ERICH6B: variants seen among roughly 807,000 people sequenced by gnomAD.
ERICH6B encodes glutamate rich 6B.
ERICH6B carries 69 observed loss-of-function variants against 80.0 expected under a neutral mutation model. The observed-to-expected ratio is 0.86, with a 90% CI of 0.71 to 1.05. The LOEUF (loss-of-function observed/expected upper bound fraction) is 1.05. Ranked by LOEUF, ERICH6B falls within the 50% of genes least tolerant of loss-of-function variation. The pLI, the probability that ERICH6B is intolerant of heterozygous loss-of-function variation, is 0.00. For missense variants in ERICH6B, 754 were observed against 796.1 expected (o/e 0.95, Z 0.64); for synonymous variants, 283 against 291.9 (o/e 0.97, Z 0.31).
chr13:45,552,554 TAGA>T (rs1355409482), intron 11 of ERICH6B, among the ~76,000 whole-genome samples: 2 of 151,494 alleles, frequency 1.3e-5, no homozygotes, highest in South Asian at 2.1e-4. Context: ...TTAACTTAAC[TAGA>T]AGAAGTCAGA....
chr13:45,577,308 G>A (rs1057246680), intron 7 of ERICH6B, among the ~76,000 whole-genome samples: 5 of 104,434 alleles, frequency 4.8e-5, no homozygotes, highest in East Asian at 3.3e-4. Context: ...TTTTTGAGAC[G>A]GAGTATCGCT....
chr13:45,610,281 G>T (rs772656066), intron 1 of ERICH6B, among the ~76,000 whole-genome samples: 5 of 151,902 alleles, frequency 3.3e-5, no homozygotes, highest in African/African-American at 1.2e-4. Flanking sequence ...CCACTCAAAA[G>T]AATTAAGTAA....
At chr13:45,597,728 A>C (rs553302969) in intron 2 of ERICH6B, among the ~76,000 whole-genome samples, 1 of 152,212 alleles carries the variant, frequency 6.6e-6, no homozygotes, top group African/African-American at 2.4e-5. Flanking sequence ...CATGTCCTCT[A>C]TATTTTTTTT....
intron 4 of ERICH6B, 67 bp from the exon 5 acceptor site, chr13:45,587,299 C>T (rs1593320943): frequency 6.9e-7 from 1 of 1,450,066 alleles, no homozygotes; most frequent in South Asian, 1.3e-5. Context: ...CCTTCTAAGG[C>T]ATGTTAGGGG....
intron 2 of ERICH6B, among the ~76,000 whole-genome samples, chr13:45,601,982 G>T (rs1949830199): frequency 6.6e-6 from 1 of 152,208 alleles, no homozygotes; most frequent in African/African-American, 2.4e-5. Flanking sequence ...AGCTCTGAAG[G>T]TGCGTGTGTG....
intron 4 of ERICH6B, among the ~76,000 whole-genome samples, chr13:45,589,974 TC>T (rs1216751922): frequency 6.6e-6 from 1 of 152,056 alleles, no homozygotes; most frequent in African/African-American, 2.4e-5. Context: ...AACTTATGGG[TC>T]CCCTACTTGG....
At chr13:45,573,317 T>A (rs549734142) in intron 8 of ERICH6B, among the ~76,000 whole-genome samples, 2 of 152,312 alleles carry the variant, frequency 1.3e-5, no homozygotes, top group East Asian at 3.9e-4. Flanking sequence ...TTGAACAGAA[T>A]GTACATCATG....
intron 10 of ERICH6B, 109 bp downstream of exon 10, chr13:45,563,618 G>A (rs1036910684): frequency 2.4e-5 from 24 of 1,010,826 alleles, no homozygotes; most frequent in Non-Finnish European, 3.5e-5. Flanking sequence ...GCACTGAAGT[G>A]AGTGAATGAG....
intron 1 of ERICH6B, among the ~76,000 whole-genome samples, chr13:45,612,652 C>A (rs1949906310): frequency 6.6e-6 from 1 of 152,150 alleles, no homozygotes; most frequent in African/African-American, 2.4e-5. Flanking sequence ...CTCCTCCCTC[C>A]TACCTGCCTA....
At chr13:45,564,891 C>T (rs866782805) in intron 9 of ERICH6B, among the ~76,000 whole-genome samples, 5 of 152,284 alleles carry the variant, frequency 3.3e-5, no homozygotes, top group Middle Eastern at 3.4e-3. Context: ...ACTGGCTGTT[C>T]GTCTCTTGTT....
chr13:45,600,929 C>T (rs1245451573), intron 2 of ERICH6B, among the ~76,000 whole-genome samples: 1 of 152,160 alleles, frequency 6.6e-6, no homozygotes, highest in Non-Finnish European at 1.5e-5. Context: ...CCTGCTAAGT[C>T]AATTTAGCAA....
chr13:45,590,027 T>G (rs886684328), intron 4 of ERICH6B, among the ~76,000 whole-genome samples: 4 of 152,128 alleles, frequency 2.6e-5, no homozygotes, highest in African/African-American at 7.2e-5. Flanking sequence ...ATAACCAAAC[T>G]GGTCCCGTGC....
intron 11 of ERICH6B, chr13:45,555,566 G>A (rs1215879672): frequency 6.6e-6 from 1 of 152,122 alleles, no homozygotes; most frequent in Non-Finnish European, 1.5e-5. Flanking sequence ...CCGCTAGCTG[G>A]GGTCATGGGG....
Position 45,587,048 on chromosome 13 carries a change from C to G in ERICH6B, c.856+15G>C. 2 of 1,549,660 alleles carry G rather than the reference C, an allele frequency of 1.3e-6. No individual in the cohort carries two copies. Among genetic ancestry groups the G allele is most frequent in the Non-Finnish European group, 1.7e-6 (2 of 1,145,842 alleles). ...GCCCGGCTGCGCCTCACCGACAGAG[C>G]GCAGCTTCCCTCACCGGCAGTTCTG... On this transcript the variant is annotated intron_variant, in intron 5 of 14. Transcript: ENST00000298738.
intron 5 of ERICH6B, among the ~76,000 whole-genome samples, chr13:45,582,299 C>A (rs890856195): frequency 6.6e-6 from 1 of 152,188 alleles, no homozygotes; most frequent in East Asian, 1.9e-4. Flanking sequence ...CTCTACATAA[C>A]CTTTCAGTTG....
At chr13:45,608,401 C>T (rs1172698680) in intron 1 of ERICH6B, among the ~76,000 whole-genome samples, 2 of 152,164 alleles carry the variant, frequency 1.3e-5, no homozygotes, top group African/African-American at 4.8e-5. Flanking sequence ...ACACACTTTC[C>T]TGCTTTTTAA....
intron 4 of ERICH6B, among the ~76,000 whole-genome samples, chr13:45,589,884 G>A (rs987553646): frequency 3.9e-5 from 6 of 152,170 alleles, no homozygotes; most frequent in South Asian, 4.1e-4. Flanking sequence ...GGAACAGAGC[G>A]GCCAGTGCAG....
chr13:45,601,222 T>C (rs1485606695), intron 2 of ERICH6B, among the ~76,000 whole-genome samples: 1 of 152,164 alleles, frequency 6.6e-6, no homozygotes, highest in Non-Finnish European at 1.5e-5. Context: ...TATACTGGGA[T>C]CTCTTTTCTC....
At chr13:45,559,780 C>G (rs574969403) in intron 11 of ERICH6B, among the ~76,000 whole-genome samples, 30 of 152,098 alleles carry the variant, frequency 2.0e-4, no homozygotes, top group Non-Finnish European at 3.7e-4. Context: ...TTTCAATTTT[C>G]TTAAATTTAT....
Sources: gnomAD v4.1 joint callset for allele counts (sites outside exome capture counted in the v4.1 genomes callset) on GRCh38, gnomAD v4.1.1 for gene constraint, MANE v1.5 for transcripts, NCBI Gene and HGNC (gene_info 2026-07-23, HGNC 2026-07-21) for gene names.